COBL: variants seen among roughly 807,000 people sequenced by gnomAD.
COBL encodes the protein cordon-bleu WH2 repeat protein.
Under a neutral mutation model 98.8 loss-of-function variants are expected in COBL, and 51 were observed. The observed-to-expected ratio is 0.52, with a 90% CI of 0.41 to 0.65. The LOEUF is 0.65. COBL is among the 30% of genes least tolerant of loss of function. The pLI is 0.00. For synonymous variants in COBL, 634 were observed against 651.7 expected, an observed-to-expected ratio of 0.97 and a Z score of 0.41; for missense variants, 1,617 against 1,617.5, an observed-to-expected ratio of 1.00 and a Z score of 0.01.
At chr7:51,312,099 G>A (rs149117001) in intron 1 of COBL, among the ~76,000 whole-genome samples, 1,525 of 152,020 alleles carry the variant, frequency 0.01, 26 homozygotes, top group African/African-American at 0.035. Flanking sequence ...CAAGGCGGGC[G>A]GATCACAAGG....
At chr7:51,166,911 T>A (rs998849032) in intron 5 of COBL, among the ~76,000 whole-genome samples, 1 of 152,148 alleles carries the variant, frequency 6.6e-6, no homozygotes, top group Non-Finnish European at 1.5e-5. Context: ...CATCCCTTCA[T>A]GATAAAAATT....
chr7:51,048,781 T>G (rs1789966578), intron 7 of COBL, among the ~76,000 whole-genome samples: 1 of 152,176 alleles, frequency 6.6e-6, no homozygotes, highest in Non-Finnish European at 1.5e-5. Flanking sequence ...CCAACCAAAA[T>G]TACATAAATG....
chr7:51,062,498 A>G (rs1044943621), intron 7 of COBL, among the ~76,000 whole-genome samples: 2 of 152,044 alleles, frequency 1.3e-5, no homozygotes, highest in Non-Finnish European at 2.9e-5. Context: ...CTTCCAATTA[A>G]CACTGCTGGT....
At chr7:51,107,504 A>G (rs1214562466) in intron 6 of COBL, among the ~76,000 whole-genome samples, 1 of 152,226 alleles carries the variant, frequency 6.6e-6, no homozygotes, top group African/African-American at 2.4e-5. Context: ...TTCAGTAAAT[A>G]TCAATATTTG....
intron 6 of COBL, among the ~76,000 whole-genome samples, chr7:51,104,014 A>T (rs1347476136): frequency 6.6e-6 from 1 of 152,224 alleles, no homozygotes; most frequent in African/African-American, 2.4e-5. Flanking sequence ...AATAAGCCCA[A>T]AGTTTCCTGA....
intron 2 of COBL, among the ~76,000 whole-genome samples, chr7:51,194,683 C>A (rs185094384): frequency 1.3e-5 from 2 of 151,934 alleles, no homozygotes; most frequent in Non-Finnish European, 2.9e-5. Context: ...TATCTCATTG[C>A]GGTTTTGATT....
At chr7:51,292,030 G>A (rs1409611487) in intron 1 of COBL, among the ~76,000 whole-genome samples, 1 of 151,730 alleles carries the variant, frequency 6.6e-6, no homozygotes, top group Non-Finnish European at 1.5e-5. Context: ...GTGTGGTGGA[G>A]GGCGCTATTT....
intron 2 of COBL, among the ~76,000 whole-genome samples, chr7:51,195,330 G>T (rs1325885266): frequency 1.3e-5 from 2 of 152,084 alleles, no homozygotes; most frequent in African/African-American, 2.4e-5. Flanking sequence ...AGTTGTAGGT[G>T]TGTGATCTTA....
At chr7:51,238,114 G>A (rs1173754608) in intron 1 of COBL, among the ~76,000 whole-genome samples, 1 of 152,232 alleles carries the variant, frequency 6.6e-6, no homozygotes, top group Non-Finnish European at 1.5e-5. Context: ...GACCAGAGAG[G>A]ACGCTGGGAC....
At chr7:51,170,620 C>A (rs1787781430) in intron 5 of COBL, among the ~76,000 whole-genome samples, 1 of 149,956 alleles carries the variant, frequency 6.7e-6, no homozygotes, top group Non-Finnish European at 1.5e-5. Context: ...AGAAAACAAT[C>A]CTGTCATTTG....
intron 6 of COBL, among the ~76,000 whole-genome samples, chr7:51,117,179 A>T (rs1035206759): frequency 6.2e-5 from 8 of 130,070 alleles, no homozygotes; most frequent in African/African-American, 1.7e-4. Flanking sequence ...GTACCTATGT[A>T]GCTATGCACA....
rs554365656 is a variant in COBL at position 51,037,104 on chromosome 7, C to T, written c.1407-6195G>A. ...TTATATACACATACATGCACATATA[C>T]GCATGCACACATATATATGTGTCTA... is the stretch of plus-strand genomic sequence containing the variant. On this transcript the variant is annotated intron_variant, in intron 8 of 12. Transcript: ENST00000265136. Among the ~76,000 whole-genome samples, 255 of 152,220 alleles carry T rather than the reference C, an allele frequency of 1.7e-3. 5 individuals are homozygous for T. In the South Asian group the frequency reaches 0.032, roughly 19 times the overall value.
intron 8 of COBL, chr7:51,031,146 G>A: frequency 1.9e-6 from 1 of 514,824 alleles, no homozygotes; most frequent in Non-Finnish European, 3.4e-6. Context: ...CATGTGTGGA[G>A]TATATGTCTT....
chr7:51,157,881 T>A (rs1413979063), intron 5 of COBL, among the ~76,000 whole-genome samples: 1 of 152,256 alleles, frequency 6.6e-6, no homozygotes, highest in Non-Finnish European at 1.5e-5. Flanking sequence ...CACTGATATA[T>A]AATTTTTATT....
intron 5 of COBL, among the ~76,000 whole-genome samples, chr7:51,158,851 C>T (rs546220009): frequency 3.3e-5 from 5 of 151,680 alleles, no homozygotes; most frequent in East Asian, 2.0e-4. Flanking sequence ...ACAGGGAAAG[C>T]GAGGCACGGG....
chr7:51,182,638 G>GGAGGAGGGA (rs1789089348), intron 5 of COBL, among the ~76,000 whole-genome samples: 1 of 117,396 alleles, frequency 8.5e-6, no homozygotes, highest in South Asian at 2.7e-4. Context: ...AGCTAGGAGA[G>GGAGGAGGGA]GAGGAGGGAG....
At chr7:51,038,337 A>G (rs1788840510) in intron 8 of COBL, among the ~76,000 whole-genome samples, 1 of 152,152 alleles carries the variant, frequency 6.6e-6, no homozygotes, top group South Asian at 2.1e-4. Flanking sequence ...ACACAACCCA[A>G]GCAGTGAAGA....
At chr7:51,276,241 G>A (rs573995953) in intron 1 of COBL, among the ~76,000 whole-genome samples, 1 of 152,200 alleles carries the variant, frequency 6.6e-6, no homozygotes, top group Non-Finnish European at 1.5e-5. Flanking sequence ...CTTAATCCAT[G>A]AGTAACTGTT....
chr7:51,166,307 T>C (rs1417809038), intron 5 of COBL, among the ~76,000 whole-genome samples: 1 of 151,980 alleles, frequency 6.6e-6, no homozygotes, highest in African/African-American at 2.4e-5. Flanking sequence ...AAAGGATCAT[T>C]GGTGGCTACT....
Sources: allele counts gnomAD v4.1 joint callset (sites outside exome capture counted in the v4.1 genomes callset), GRCh38; gene constraint gnomAD v4.1.1; transcripts MANE v1.5; gene names NCBI Gene and HGNC (gene_info 2026-07-23, HGNC 2026-07-21).